Variants in ADGRG5 observed in about 807,000 individuals in gnomAD.
ADGRG5 encodes the protein adhesion G protein-coupled receptor G5, also known as G protein-coupled receptor 114.
Under a neutral mutation model 53.2 loss-of-function variants are expected in ADGRG5, and 37 were observed. That is an observed-to-expected ratio of 0.70 (90% CI 0.53 to 0.91). The LOEUF is 0.91. ADGRG5 is among the 40% of genes least tolerant of loss of function. ADGRG5 has a pLI of 0.00. For missense variants in ADGRG5, 614 were observed against 675.8 expected, an observed-to-expected ratio of 0.91 and a Z score of 1.01; for synonymous variants, 277 against 290.4, an observed-to-expected ratio of 0.95 and a Z score of 0.47.
intron 10 of ADGRG5, among the ~76,000 whole-genome samples, chr16:57,571,497 G>T (rs2033356920): frequency 6.6e-6 from 1 of 152,106 alleles, no homozygotes. Flanking sequence ...AGGCTCGGGT[G>T]TATCAGAGGA....
At position 57,563,139 on chromosome 16, in the gene ADGRG5, C is replaced by A; in HGVS notation, c.189C>A (p.Gly63=). ...EQMLLNTSFP[G]YNLTLQTPTI... ...TGCTACTGAACACCAGCTTCCCAGG[C>A]TACAACCTGACCTTGCAGACACCCA... The change falls in exon 4 of 12, where the codon GGC becomes GGA. Residue 63 remains glycine, a synonymous_variant. Coordinates refer to ENST00000349457, the MANE Select transcript of ADGRG5 (RefSeq NM_001304376.3). 6.2e-7 allele frequency: 1 copy of A among 1,614,174 alleles called. No individual in the cohort carries two copies. Among genetic ancestry groups the A allele is most frequent in the Non-Finnish European group, 8.5e-7 (1 of 1,179,990 alleles).
chr16:57,566,589 C>T lies in ADGRG5; in HGVS notation c.547-10C>T, dbSNP rs1266207256. 13 of 1,486,608 alleles carry T rather than the reference C, an allele frequency of 8.7e-6. No individual in the cohort carries two copies. Among genetic ancestry groups the T allele is most frequent in the African/African-American group, 1.4e-5 (1 of 69,774 alleles). 92.1% of individuals were successfully genotyped at this position (1,486,608 alleles called of 1,614,324 possible). The stretch of plus-strand genomic sequence containing the variant: ...CTGCACCCTATGACTGACCCAGCAT[C>T]TCCACCCAGGAAGGCTACACCCTGA... On this transcript the variant is annotated splice_polypyrimidine_tract_variant and intron_variant, in intron 6 of 11. Transcript: ENST00000349457.
chr16:57,532,257 C>T, the ADGRG5 span, among the ~76,000 whole-genome samples: 5 of 152,136 alleles, frequency 3.3e-5, 1 homozygote, highest in Admixed American at 2.0e-4. Flanking sequence ...GAGTATTTGG[C>T]GATGCTTTCT....
At chr16:57,532,780 T>C in the ADGRG5 span, among the ~76,000 whole-genome samples, 2 of 151,662 alleles carry the variant, frequency 1.3e-5, no homozygotes, top group East Asian at 3.9e-4. Flanking sequence ...TAGCTCCACA[T>C]AGAGAAGCTC....
chr16:57,576,537 GT>G lies in ADGRG5; in HGVS notation c.*1002del, dbSNP rs1488016390. 2.0e-5 allele frequency: 3 copies of G among 151,928 alleles called. No homozygotes were observed. The highest frequency in any genetic ancestry group is 7.3e-5 in the African/African-American group (3 of 41,304). 9.4% of individuals were successfully genotyped at this position (151,928 alleles called of 1,614,324 possible). On this transcript the variant is annotated 3_prime_UTR_variant, in exon 12 of 12. Coordinates refer to ENST00000349457, the MANE Select transcript of ADGRG5 (RefSeq NM_001304376.3). ...GAGACAGTGCTCATGAAGCCAGTGC[GT>G]TTCCCAGAACGAACACTAGGCGGCA...
the ADGRG5 span, among the ~76,000 whole-genome samples, chr16:57,534,375 G>A: frequency 2.6e-3 from 400 of 152,286 alleles, 2 homozygotes; most frequent in African/African-American, 9.4e-3. Flanking sequence ...GACACTTGCT[G>A]CAGGCTAGGC....
At position 57,567,218 on chromosome 16, in the gene ADGRG5, G is replaced by A. The variant is rs183197702; in HGVS notation, c.700-252G>A. On this transcript the variant is annotated intron_variant, in intron 7 of 11. Transcript: ENST00000349457. ...CCTGGCACCCCTTTCTGCACAAAGA[G>A]GGCAAAGTGGTGGAACCCCACAGGT... 2.5e-3 allele frequency among the ~76,000 whole-genome samples: 380 copies of A among 152,302 alleles called. 2 individuals are homozygous for A. The highest frequency in any genetic ancestry group is 8.8e-3 in the African/African-American group (365 of 41,576).
At chr16:57,544,775 T>TG (rs1468870595) in intron 1 of ADGRG5, among the ~76,000 whole-genome samples, 1 of 152,122 alleles carries the variant, frequency 6.6e-6, no homozygotes, top group Non-Finnish European at 1.5e-5. Flanking sequence ...CTTTCTGTTT[T>TG]TTTGTTTGTT....
chr16:57,553,812 A>C (rs2032808770), intron 1 of ADGRG5, among the ~76,000 whole-genome samples: 1 of 152,348 alleles, frequency 6.6e-6, no homozygotes, highest in African/African-American at 2.4e-5. Flanking sequence ...TTTGGTATAC[A>C]GTAATATTAG....
chr16:57,563,835 C>A lies in ADGRG5; in HGVS notation c.298-13C>A. 6.2e-7 allele frequency: 1 copy of A among 1,613,018 alleles called. No homozygotes were observed. On this transcript the variant is annotated splice_polypyrimidine_tract_variant and intron_variant, in intron 4 of 11. Transcript: ENST00000349457. ...TCCTGGTTGCCAAACAGCCTGTTTG[C>A]GACCCTCTGCAGGCAGGAGGTCAGC...
intron 1 of ADGRG5, among the ~76,000 whole-genome samples, chr16:57,556,126 TG>T (rs1346435582): frequency 6.6e-6 from 1 of 152,228 alleles, no homozygotes; most frequent in African/African-American, 2.4e-5. Context: ...TATAGCAGTG[TG>T]AAACTATACT....
chr16:57,555,886 C>T (rs1224499859), intron 1 of ADGRG5, among the ~76,000 whole-genome samples: 2 of 152,062 alleles, frequency 1.3e-5, no homozygotes, highest in African/African-American at 4.8e-5. Flanking sequence ...CAGATTTCCC[C>T]CTTGCTGTTC....
Position 57,562,044 on chromosome 16 carries a change from C to T in ADGRG5, c.-38-12C>T, listed in dbSNP as rs1022273420. ...CTTTTATCATCATGGTGATGGCATGCACCTTTTTCAGGGCCGGAGCCAGTT... is the reference window on the plus strand; with the variant it reads ...CTTTTATCATCATGGTGATGGCATGTACCTTTTTCAGGGCCGGAGCCAGTT... On this transcript the variant is annotated splice_polypyrimidine_tract_variant and intron_variant, in intron 1 of 11. Transcript: ENST00000349457. 1.4e-6 allele frequency: 2 copies of T among 1,450,138 alleles called. No individual in the cohort carries two copies. The highest frequency in any genetic ancestry group is 1.9e-6 in the Non-Finnish European group (2 of 1,072,962). 89.8% of individuals were successfully genotyped at this position (1,450,138 alleles called of 1,614,324 possible). A position where few individuals can be genotyped will look rare whatever the true frequency, so the allele number is the denominator to read the frequency against.
At chr16:57,564,737 C>T (rs1280510073) in intron 5 of ADGRG5, among the ~76,000 whole-genome samples, 1 of 152,022 alleles carries the variant, frequency 6.6e-6, no homozygotes, top group Non-Finnish European at 1.5e-5. Context: ...GCCTTTCAAC[C>T]TTGGCTTTGA....
chr16:57,533,536 TCA>T, the ADGRG5 span, among the ~76,000 whole-genome samples: 1 of 136,534 alleles, frequency 7.3e-6, no homozygotes, highest in Non-Finnish European at 1.6e-5. Context: ...ATGCACACAC[TCA>T]CACACACACC....
intron 1 of ADGRG5, among the ~76,000 whole-genome samples, chr16:57,544,127 G>C (rs1302007455): frequency 6.6e-6 from 1 of 152,156 alleles, no homozygotes; most frequent in Non-Finnish European, 1.5e-5. Flanking sequence ...TCTTTGGGAG[G>C]CTGCAGTGTG....
chr16:57,572,930 G>T (rs1287064720), intron 10 of ADGRG5, among the ~76,000 whole-genome samples: 1 of 152,190 alleles, frequency 6.6e-6, no homozygotes, highest in Non-Finnish European at 1.5e-5. Flanking sequence ...TGACAGTTAG[G>T]GGCTCAGGCT....
chr16:57,555,848 C>A (rs1258052056), intron 1 of ADGRG5, among the ~76,000 whole-genome samples: 2 of 152,128 alleles, frequency 1.3e-5, no homozygotes, highest in Non-Finnish European at 2.9e-5. Flanking sequence ...GGAGAGGGAC[C>A]TGGTGGAAGG....
rs930286992 is a variant in ADGRG5 at position 57,562,457 on chromosome 16, T to C, written c.138T>C (p.Ser46=). ...VSRGRSSVFS[S]RQLHQLEQML... ...GGGGCCGGAGCTCAGTTTTTTCCTC[T>C]CGGTGAGTTGGATGTGCCTCCCACC... Residue 46 remains serine (S), a splice_region_variant and synonymous_variant, in exon 3 of 12, where the codon TCT becomes TCC. Coordinates refer to ENST00000349457, the MANE Select transcript of ADGRG5 (RefSeq NM_001304376.3). 3 of 1,596,052 alleles carry C rather than the reference T, an allele frequency of 1.9e-6. No individual in the cohort carries two copies. Among genetic ancestry groups the C allele is most frequent in the Admixed American group, 1.8e-5 (1 of 57,072 alleles).
Sources: allele counts gnomAD v4.1 joint callset (sites outside exome capture counted in the v4.1 genomes callset), GRCh38; gene constraint gnomAD v4.1.1; transcripts MANE v1.5; gene names NCBI Gene and HGNC (gene_info 2026-07-23, HGNC 2026-07-21).